Variants in PPP5C observed in about 807,000 individuals in gnomAD.
The protein encoded by PPP5C is protein phosphatase 5 catalytic subunit.
A neutral mutation model predicts 66.7 loss-of-function variants in PPP5C; 21 were observed. The observed-to-expected ratio is 0.31, with a 90% confidence interval of 0.22 to 0.45. The LOEUF (loss-of-function observed/expected upper bound fraction) is 0.45. Among genes scored for constraint, PPP5C ranks in the 20% least tolerant of loss-of-function variants. The pLI is 1.00. For synonymous variants in PPP5C, 246 were observed against 257.4 expected (o/e 0.96, Z 0.43); for missense variants, 464 against 675.9 (o/e 0.69, Z 3.48).
chr19:46,386,759 C>T (rs1972895334), intron 7 of PPP5C: 6 of 341,454 alleles, frequency 1.8e-5, no homozygotes, highest in South Asian at 6.2e-5. Flanking sequence ...ACTATAGGCA[C>T]GCACCACCAT....
At chr19:46,347,660 C>A in intron 1 of PPP5C, among the ~76,000 whole-genome samples, 1 of 134,012 alleles carries the variant, frequency 7.5e-6, no homozygotes, top group Admixed American at 8.3e-5. Flanking sequence ...GGGAATGGAT[C>A]ATTAGATGGG....
At position 46,383,146 on chromosome 19, in the gene PPP5C, T is replaced by C; in HGVS notation, c.634-265T>C. The C allele has an allele frequency of 7.1e-7, 1 of 1,416,338 alleles. No individual in the cohort carries two copies. The highest frequency in any genetic ancestry group is 9.3e-7 in the Non-Finnish European group (1 of 1,073,762). The allele number at this position is 1,416,338 out of a possible 1,614,324, so 87.7% of individuals were successfully genotyped here. A position where few individuals can be genotyped will look rare whatever the true frequency, so the allele number is the denominator to read the frequency against. ...GATTCATGCATGTATTTCCACTTGA[T>C]GCTGAGTATTTTAAGATAATTCAAG... On this transcript the variant is annotated intron_variant, in intron 4 of 12. Coordinates refer to ENST00000012443, the MANE Select transcript of PPP5C (RefSeq NM_006247.4). This position sits in a 1 kb window ranked among gnomAD's most constrained non-coding sequence, Gnocchi z 5.0.
intron 2 of PPP5C, 122 bp from the exon 3 acceptor site, chr19:46,375,482 C>G: frequency 7.1e-7 from 1 of 1,418,404 alleles, no homozygotes; most frequent in South Asian, 1.4e-5. Flanking sequence ...GTTGCACCAT[C>G]AGCACCTGGC....
At chr19:46,349,867 C>A (rs926106775) in intron 1 of PPP5C, among the ~76,000 whole-genome samples, 6 of 151,388 alleles carry the variant, frequency 4.0e-5, no homozygotes, top group Non-Finnish European at 5.9e-5. Flanking sequence ...AAAAAAAAAA[C>A]AAAAACAGGT....
intron 4 of PPP5C, chr19:46,382,844 A>G (rs1000582344): frequency 9.6e-7 from 1 of 1,041,264 alleles, no homozygotes; most frequent in Non-Finnish European, 1.2e-6. Flanking sequence ...ACAAATATGC[A>G]TGTCATTGTC....
Position 46,390,581 on chromosome 19 carries a change from G to A in PPP5C, c.*235G>A. On this transcript the variant is annotated 3_prime_UTR_variant, in exon 13 of 13. Transcript: ENST00000012443. Reference sequence around the variant, plus strand: ...AGGAGGTGGAGCAGCTGGGGCTGGGGGCACAGCCTGGGCATTCTGTGGGGA... The same window carrying A: ...AGGAGGTGGAGCAGCTGGGGCTGGGAGCACAGCCTGGGCATTCTGTGGGGA... The A allele has an allele frequency of 7.2e-7, 1 of 1,395,238 alleles. No homozygotes were observed. The highest frequency in any genetic ancestry group is 9.3e-7 in the Non-Finnish European group (1 of 1,072,800). 86.4% of individuals were successfully genotyped at this position (1,395,238 alleles called of 1,614,324 possible).
At chr19:46,368,617 G>A (rs188702362) in intron 2 of PPP5C, among the ~76,000 whole-genome samples, 149 of 152,282 alleles carry the variant, frequency 9.8e-4, no homozygotes, top group Non-Finnish European at 1.9e-3. Context: ...GTATAACAGG[G>A]ATGAACTGTA....
At chr19:46,373,335 G>T (rs1972629152) in intron 2 of PPP5C, among the ~76,000 whole-genome samples, 1 of 152,250 alleles carries the variant, frequency 6.6e-6, no homozygotes, top group African/African-American at 2.4e-5. Flanking sequence ...CTTCCTGGGT[G>T]GGTGACTTCA....
At chr19:46,353,098 G>A (rs1027503423) in intron 1 of PPP5C, among the ~76,000 whole-genome samples, 4 of 152,176 alleles carry the variant, frequency 2.6e-5, no homozygotes, top group Admixed American at 6.5e-5. Context: ...GGCTCTGCAG[G>A]TGCAGACAGG....
intron 2 of PPP5C, among the ~76,000 whole-genome samples, chr19:46,356,547 C>T (rs572438770): frequency 5.9e-5 from 9 of 152,312 alleles, no homozygotes; most frequent in African/African-American, 2.2e-4. Context: ...CCTTTGTGCA[C>T]CTGAATTCAG....
chr19:46,352,535 T>C (rs908188773), intron 1 of PPP5C, among the ~76,000 whole-genome samples: 4 of 152,158 alleles, frequency 2.6e-5, no homozygotes, highest in Non-Finnish European at 5.9e-5. Context: ...AAGGCCCACT[T>C]CTCGGCCAGG....
At chr19:46,386,641 T>C (rs986019774) in intron 7 of PPP5C, 2 of 193,800 alleles carry the variant, frequency 1.0e-5, no homozygotes, top group African/African-American at 4.6e-5. Context: ...ACGGTCTTGC[T>C]TTGCTCTGTT....
At chr19:46,382,497 T>C (rs1972809971) in intron 4 of PPP5C, 1 of 152,248 alleles carries the variant, frequency 6.6e-6, no homozygotes, top group Admixed American at 6.5e-5. Flanking sequence ...CCCCAGCTTA[T>C]TTTGGAAATC....
At chr19:46,366,790 G>T (rs182752714) in intron 2 of PPP5C, among the ~76,000 whole-genome samples, 2 of 152,216 alleles carry the variant, frequency 1.3e-5, no homozygotes, top group Admixed American at 6.5e-5. Context: ...GTCTGTGGTT[G>T]GTGGCAGTCT....
At chr19:46,365,749 G>A (rs888520231) in intron 2 of PPP5C, among the ~76,000 whole-genome samples, 5 of 152,058 alleles carry the variant, frequency 3.3e-5, no homozygotes, top group African/African-American at 9.7e-5. Context: ...GAATCCAGTG[G>A]GTCAAAGGGG....
At chr19:46,350,276 G>C (rs1039079977) in intron 1 of PPP5C, among the ~76,000 whole-genome samples, 3 of 152,180 alleles carry the variant, frequency 2.0e-5, no homozygotes, top group African/African-American at 7.2e-5. Flanking sequence ...AGTGACTACC[G>C]GGCTTTGGGG....
chr19:46,363,582 C>T (rs979547515), intron 2 of PPP5C, among the ~76,000 whole-genome samples: 2 of 151,776 alleles, frequency 1.3e-5, no homozygotes, highest in South Asian at 4.2e-4. Flanking sequence ...GCACGCACCA[C>T]CACATCCACC....
chr19:46,365,441 T>C (rs920596401), intron 2 of PPP5C, among the ~76,000 whole-genome samples: 8 of 152,194 alleles, frequency 5.3e-5, no homozygotes, highest in African/African-American at 1.9e-4. Flanking sequence ...AATTTCCTTC[T>C]CAAAAGTGAC....
chr19:46,353,754 A>G lies in PPP5C; in HGVS notation c.128A>G (p.Asp43Gly). Residue 43 changes from aspartate to glycine, a missense_variant, in exon 2 of 13, where the codon GAC becomes GGC. Around this residue, in one of 2 missense-constraint regions of PPP5C, gnomAD observed 387 missense variants for 626.0 expected, o/e 0.62. Coordinates refer to ENST00000012443, the MANE Select transcript of PPP5C (RefSeq NM_006247.4). Reference protein sequence around the residue: ...TQANDYFKAKDYENAIKFYSQ... With the variant: ...TQANDYFKAKGYENAIKFYSQ... ...TCTTCTTCTGTCTCCGCAGCCAAGG[A>G]CTACGAGAACGCCATCAAGTTCTAC... is the stretch of plus-strand genomic sequence containing the variant. The G allele has an allele frequency of 6.2e-7, 1 of 1,614,110 alleles. No homozygotes were observed.
Sources: allele counts gnomAD v4.1 joint callset (sites outside exome capture counted in the v4.1 genomes callset), GRCh38; gene constraint gnomAD v4.1.1; regional missense constraint gnomAD v4.1.1; non-coding constraint Gnocchi (gnomAD v3.1); transcripts MANE v1.5; gene names NCBI Gene and HGNC (gene_info 2026-07-23, HGNC 2026-07-21).